ANO5: variants seen among roughly 807,000 people sequenced by gnomAD.
ANO5 encodes anoctamin-5.
In ANO5, 109 loss-of-function variants were observed where a neutral mutation model predicts 121.0. That is an observed-to-expected ratio of 0.90 (90% CI 0.77 to 1.06). ANO5 has a LOEUF of 1.06. Among genes scored for constraint, ANO5 ranks in the 50% least tolerant of loss-of-function variants. ANO5 has a pLI of 0.00. For missense variants in ANO5, 1,064 were observed against 1,078.5 expected (o/e 0.99, Z 0.19); for synonymous variants, 406 against 359.9 (o/e 1.13, Z -1.45).
At chr11:22,260,379 C>G (rs1854152761) in intron 15 of ANO5, among the ~76,000 whole-genome samples, 1 of 152,140 alleles carries the variant, frequency 6.6e-6, no homozygotes, top group Non-Finnish European at 1.5e-5. Context: ...AGGCATCAGC[C>G]TCTTCTCTGA....
chr11:22,215,157 G>T (rs936807091), intron 3 of ANO5, among the ~76,000 whole-genome samples: 6 of 151,882 alleles, frequency 4.0e-5, no homozygotes, highest in African/African-American at 1.2e-4. Flanking sequence ...ACACACTAAA[G>T]GTTGCTTAAA....
At chr11:22,228,614 C>T (rs1234291836) in intron 7 of ANO5, among the ~76,000 whole-genome samples, 1 of 151,798 alleles carries the variant, frequency 6.6e-6, no homozygotes, top group Non-Finnish European at 1.5e-5. Flanking sequence ...ACTTTGTACC[C>T]GTTGACCAAT....
At chr11:22,265,244 A>G (rs1041761637) in intron 17 of ANO5, among the ~76,000 whole-genome samples, 2 of 151,724 alleles carry the variant, frequency 1.3e-5, no homozygotes, top group Admixed American at 1.3e-4. Flanking sequence ...ATTCAAATGA[A>G]TGACATCTAC....
At position 22,280,387 on chromosome 11, in the gene ANO5, G is replaced by A. The variant is rs185108747; in HGVS notation, c.*622G>A. The A allele has an allele frequency of 3.6e-3, 537 of 151,142 alleles. 3 individuals are homozygous for A. Among genetic ancestry groups the A allele is most frequent in the Middle Eastern group, 0.014 (4 of 292 alleles). The allele number at this position is 151,142 out of a possible 1,614,324, so 9.4% of individuals were successfully genotyped here. A position where few individuals can be genotyped will look rare whatever the true frequency, so the allele number is the denominator to read the frequency against. ...TGGTAAAGGCAGAATTCCTTTTCTC[G>A]AGACTGAAATTTTGGGTTTCAACAT... On this transcript the variant is annotated 3_prime_UTR_variant, in exon 22 of 22. Coordinates refer to ENST00000324559, the MANE Select transcript of ANO5 (RefSeq NM_213599.3).
In ANO5 at chr11:22,252,259, A is replaced by G. The variant is rs115088123; in HGVS notation, c.1180+1248A>G. ...AACCTCAGTTTTTGTAAGTTGTTGT[A>G]TATACATCCATTTTTCATGAGGCTG... On this transcript the variant is annotated intron_variant, in intron 12 of 21. Transcript: ENST00000324559. Among the ~76,000 whole-genome samples, 205 of 152,212 alleles carry G rather than the reference A, an allele frequency of 1.3e-3. 1 individual carries two copies. The highest frequency in any genetic ancestry group is 4.8e-3 in the African/African-American group (201 of 41,520).
chr11:22,263,053 ACTTACAAG>A lies in ANO5; in HGVS notation c.1898+14_1898+21del, dbSNP rs1444178901. On this transcript the variant is annotated intron_variant, in intron 17 of 21. Transcript: ENST00000324559. The stretch of plus-strand genomic sequence containing the variant: ...AAGAAGCCATTTATCCGTATGTATG[ACTTACAAG>A]CTTTTTATTTGATTTAAGTAACCAT... The A allele has an allele frequency of 1.2e-5, 19 of 1,588,832 alleles. No individual in the cohort carries two copies. The highest frequency in any genetic ancestry group is 1.6e-5 in the Non-Finnish European group (18 of 1,157,680).
intron 1 of ANO5, among the ~76,000 whole-genome samples, chr11:22,197,052 A>AT (rs1195869062): frequency 1.3e-5 from 2 of 152,188 alleles, no homozygotes; most frequent in Non-Finnish European, 2.9e-5. Context: ...GTAAGCCTTG[A>AT]TTTTGTATGT....
Position 22,255,513 on chromosome 11 carries a change from A to G in ANO5, c.1323A>G (p.Ala441=). 1.2e-6 allele frequency: 2 copies of G among 1,613,188 alleles called. No homozygotes were observed. Among genetic ancestry groups the G allele is most frequent in the Non-Finnish European group, 1.7e-6 (2 of 1,179,320 alleles). The part of the protein sequence containing the change: ...EAMCKHRKLN[A]VTKEMEPYMP... The stretch of plus-strand genomic sequence containing the variant: ...TGTGTAAACACAGGAAATTGAATGC[A>G]GTGACTAAGGTAGACTAGAAAACTG... Residue 441 remains alanine (A), a synonymous_variant, in exon 13 of 22, where the codon GCA becomes GCG. Coordinates refer to ENST00000324559, the MANE Select transcript of ANO5 (RefSeq NM_213599.3).
intron 21 of ANO5, among the ~76,000 whole-genome samples, chr11:22,278,294 G>A (rs908867677): frequency 3.3e-5 from 5 of 151,606 alleles, no homozygotes; most frequent in South Asian, 2.1e-4. Context: ...ATCTAAAAAC[G>A]TACTTACCCT....
rs975070538 is a variant in ANO5, at chr11:22,281,927, T to A, written c.*2162T>A. On this transcript the variant is annotated 3_prime_UTR_variant, in exon 22 of 22. Transcript: ENST00000324559. ...TAAAATGTTATGGACTGATATTTTT[T>A]ATTCACCTTTAAATTTCTTATCAAG... The A allele has an allele frequency of 3.3e-5, 5 of 152,160 alleles. No individual in the cohort carries two copies. Among genetic ancestry groups the A allele is most frequent in the Non-Finnish European group, 7.4e-5 (5 of 67,968 alleles). The allele number at this position is 152,160 out of a possible 1,614,324, so 9.4% of individuals were successfully genotyped here. A position where few individuals can be genotyped will look rare whatever the true frequency, so the allele number is the denominator to read the frequency against.
intron 1 of ANO5, among the ~76,000 whole-genome samples, chr11:22,196,345 G>T (rs1851810253): frequency 6.6e-6 from 1 of 152,052 alleles, no homozygotes; most frequent in Non-Finnish European, 1.5e-5. Flanking sequence ...AGAATGGCAT[G>T]AATTCATTCA....
At position 22,231,442 on chromosome 11, in the gene ANO5, T is replaced by C. The variant is rs113895857; in HGVS notation, c.648+3856T>C. ...TCATAAAATGAAAAGATAAGTTATATTAATCCCCATTTTACTTATTTTTCA... is the reference window on the plus strand; with the variant it reads ...TCATAAAATGAAAAGATAAGTTATACTAATCCCCATTTTACTTATTTTTCA... On this transcript the variant is annotated intron_variant, in intron 7 of 21. Transcript: ENST00000324559. Among the ~76,000 whole-genome samples the C allele has an allele frequency of 1.7e-3, 253 of 152,048 alleles. 3 individuals carry two copies. The highest frequency in any genetic ancestry group is 5.8e-3 in the African/African-American group (240 of 41,518).
chr11:22,211,927 T>G (rs1177879385), intron 3 of ANO5, among the ~76,000 whole-genome samples: 2 of 151,846 alleles, frequency 1.3e-5, no homozygotes, highest in Non-Finnish European at 2.9e-5. Context: ...TGTTTTGGAA[T>G]GAGGATTGTG....
At chr11:22,219,205 G>T (rs991799606) in intron 4 of ANO5, among the ~76,000 whole-genome samples, 13 of 152,072 alleles carry the variant, frequency 8.5e-5, no homozygotes, top group African/African-American at 3.1e-4. Context: ...TATCATCAGG[G>T]TGTGATATAA....
chr11:22,234,724 C>T (rs1853157513), intron 7 of ANO5, among the ~76,000 whole-genome samples: 1 of 152,104 alleles, frequency 6.6e-6, no homozygotes, highest in Non-Finnish European at 1.5e-5. Flanking sequence ...TATCCTTACC[C>T]TTGCAGTTTC....
chr11:22,238,645 A>G (rs1241405943), intron 8 of ANO5, among the ~76,000 whole-genome samples: 1 of 152,138 alleles, frequency 6.6e-6, no homozygotes, highest in East Asian at 1.9e-4. Flanking sequence ...CCTACAGAAG[A>G]AGAAAAAAGT....
chr11:22,193,100 G>C lies in ANO5; in HGVS notation c.-393G>C, dbSNP rs1211392889. On this transcript the variant is annotated 5_prime_UTR_variant, in exon 1 of 22. Coordinates refer to ENST00000324559, the MANE Select transcript of ANO5 (RefSeq NM_213599.3). ...GGGCAGGAGTGGAAAGGATCCTGGC[G>C]AGCACCGGGAGGAGTGGCGGCTGCG... 3 of 1,101,128 alleles carry C rather than the reference G, an allele frequency of 2.7e-6. No homozygotes were observed. The highest frequency in any genetic ancestry group is 3.3e-6 in the Non-Finnish European group (3 of 897,776). The allele number at this position is 1,101,128 out of a possible 1,614,324, so 68.2% of individuals were successfully genotyped here.
At chr11:22,252,759 T>C (rs1053666792) in intron 12 of ANO5, among the ~76,000 whole-genome samples, 2 of 152,176 alleles carry the variant, frequency 1.3e-5, no homozygotes, top group African/African-American at 4.8e-5. Flanking sequence ...TGAGAGATAA[T>C]GTAAGATGTT....
intron 8 of ANO5, among the ~76,000 whole-genome samples, chr11:22,238,847 T>C (rs187110351): frequency 1.3e-5 from 2 of 152,252 alleles, no homozygotes; most frequent in Admixed American, 6.5e-5. Context: ...ACCTAGTAAC[T>C]CATCATTTAA....
Sources: allele counts gnomAD v4.1 joint callset (sites outside exome capture counted in the v4.1 genomes callset), GRCh38; gene constraint gnomAD v4.1.1; transcripts MANE v1.5; gene names NCBI Gene and HGNC (gene_info 2026-07-23, HGNC 2026-07-21).